ROS1: variants seen among roughly 807,000 people sequenced by gnomAD.
ROS1 encodes ROS proto-oncogene 1, receptor tyrosine kinase, also known as proto-oncogene tyrosine-protein kinase ROS.
ROS1 carries 263 observed loss-of-function variants against 273.5 expected under a neutral mutation model. That is an observed-to-expected ratio of 0.96 (90% CI 0.87 to 1.06). The LOEUF is 1.06. Ranked by LOEUF, ROS1 falls within the 50% of genes least tolerant of loss-of-function variation. The pLI is 0.00. For missense variants in ROS1, 2,833 were observed against 2,751.1 expected (o/e 1.03, Z -0.67); for synonymous variants, 1,008 against 954.1 (o/e 1.06, Z -1.04).
chr6:117,395,530 T>C (rs1337383571), intron 9 of ROS1, among the ~76,000 whole-genome samples: 1 of 152,148 alleles, frequency 6.6e-6, no homozygotes, highest in African/African-American at 2.4e-5. Context: ...GCTCCCAGAA[T>C]TGTGAATCTT....
intron 5 of ROS1, among the ~76,000 whole-genome samples, chr6:117,407,424 C>T (rs185260460): frequency 6.6e-6 from 1 of 152,202 alleles, no homozygotes; most frequent in African/African-American, 2.4e-5. Flanking sequence ...CCAACCTATG[C>T]TGAAATCAGG....
rs185478515 is a variant in ROS1, at chr6:117,334,777, C to T, written c.5230+2395G>A. On this transcript the variant is annotated intron_variant, in intron 32 of 43. Coordinates refer to ENST00000368507, the MANE Select transcript of ROS1 (RefSeq NM_001378902.1). ...TATTTAGTAAATGGTGCTGGGAAAA[C>T]TGGCTAGCCATATGCAGAAAACTGA... Among the ~76,000 whole-genome samples, 151 of 152,290 alleles carry T rather than the reference C, an allele frequency of 9.9e-4. 1 individual carries two copies. Among genetic ancestry groups the T allele is most frequent in the African/African-American group, 3.3e-3 (138 of 41,578 alleles).
chr6:117,385,622 C>A (rs2128696211), intron 16 of ROS1, 61 bp downstream of exon 16: 1 of 1,425,352 alleles, frequency 7.0e-7, no homozygotes, highest in Non-Finnish European at 9.6e-7. Flanking sequence ...AATTGGTGTG[C>A]AAGTCACTGA....
intron 1 of ROS1, among the ~76,000 whole-genome samples, chr6:117,421,242 T>A (rs1775733227): frequency 6.7e-6 from 1 of 148,492 alleles, no homozygotes; most frequent in Non-Finnish European, 1.5e-5. Flanking sequence ...TATTGCAATA[T>A]ATATATATAT....
Position 117,386,944 on chromosome 6 carries a change from T to C in ROS1, c.2055A>G (p.Pro685=). 1 of 1,613,360 alleles carries C rather than the reference T, an allele frequency of 6.2e-7. No individual in the cohort carries two copies. Among genetic ancestry groups the C allele is most frequent in the South Asian group, 1.1e-5 (1 of 91,030 alleles). The change falls in exon 15 of 44, where the codon CCA becomes CCG. Residue 685 remains proline, a synonymous_variant. Coordinates refer to ENST00000368507, the MANE Select transcript of ROS1 (RefSeq NM_001378902.1). ...AVKEDGLWSK[P]LNSFGPGEFL... is the part of the protein sequence containing the mutation. ...ACTCTCCTGGGCCAAAGCTATTTAATGGTTTACTCCAAAGCCCATCTTCTT... is the reference window on the plus strand; with the variant it reads ...ACTCTCCTGGGCCAAAGCTATTTAACGGTTTACTCCAAAGCCCATCTTCTT...
Position 117,403,150 on chromosome 6 carries a change from T to C in ROS1, c.593A>G (p.His198Arg). ...YSPPSPSYRTHPHGVPETAPL... is the reference protein window; with the variant it reads ...YSPPSPSYRTRPHGVPETAPL... ...TGTGCACACCATACCTCCATGAGGA[T>C]GAGTCCTGTAACTGGGACTTGGAGG... The change falls in exon 7 of 44, where the codon CAT (histidine) becomes CGT (arginine). Residue 198 changes from histidine (H) to arginine (R), a missense_variant. Coordinates refer to ENST00000368507, the MANE Select transcript of ROS1 (RefSeq NM_001378902.1). 2 of 1,613,950 alleles carry C rather than the reference T, an allele frequency of 1.2e-6. No individual in the cohort carries two copies. The highest frequency in any genetic ancestry group is 1.7e-6 in the Non-Finnish European group (2 of 1,179,940).
At chr6:117,360,244 A>T in intron 23 of ROS1, 98 bp downstream of exon 23, 1 of 929,122 alleles carries the variant, frequency 1.1e-6, no homozygotes, top group South Asian at 1.6e-5. Context: ...GCAAAGAGAC[A>T]GTGTTCATAT....
At chr6:117,409,773 T>C in intron 4 of ROS1, 131 bp from the exon 5 acceptor site, 1 of 707,722 alleles carries the variant, frequency 1.4e-6, no homozygotes, top group East Asian at 2.7e-5. Flanking sequence ...AGTAAATCTT[T>C]GAAATCGGAG....
Position 117,342,511 on chromosome 6 carries a change from A to C in ROS1, c.4540T>G (p.Leu1514Val). The C allele has an allele frequency of 6.3e-7, 1 of 1,596,804 alleles. No individual in the cohort carries two copies. ...ATCATGTATGTTGAAAATGGTTGTA[A>C]ATCTTCAATAAGAGCTATACTGTCC... ...FQDSIALIED[L>V]QPFSTYMIQI... is the part of the protein sequence containing the mutation. The change falls in exon 29 of 44, where the codon TTA becomes GTA. Residue 1514 changes from leucine to valine, a missense_variant. Leu to Val is a conservative substitution (Grantham distance 32). Coordinates refer to ENST00000368507, the MANE Select transcript of ROS1 (RefSeq NM_001378902.1).
chr6:117,349,186 A>G (rs977698900), intron 27 of ROS1, among the ~76,000 whole-genome samples: 4 of 151,894 alleles, frequency 2.6e-5, no homozygotes, highest in Non-Finnish European at 4.4e-5. Flanking sequence ...TGAAGTCTTC[A>G]ATGGTGATAG....
chr6:117,421,220 T>TTATATATATTATATTGGAA (rs1775729885), intron 1 of ROS1, among the ~76,000 whole-genome samples: 3 of 147,318 alleles, frequency 2.0e-5, no homozygotes, highest in Non-Finnish European at 4.5e-5. Flanking sequence ...TATATTGGAA[T>TTATATATATTATATTGGAA]TATATATATT....
Position 117,394,616 on chromosome 6 carries a change from C to T in ROS1, c.1006G>A (p.Gly336Arg). The change falls in exon 10 of 44, where the codon GGA (glycine) becomes AGA (arginine). Residue 336 changes from glycine to arginine, a missense_variant and splice_region_variant. By Grantham distance (125) the Gly-to-Arg change is moderately radical. Coordinates refer to ENST00000368507, the MANE Select transcript of ROS1 (RefSeq NM_001378902.1). ...RLDAIYHNIT[G>R]ISVDVHQQIV... ...AATCATTTATCCTTATCATACTGACCTGTAATATTATGGTATATAGCATCC... is the reference window on the plus strand; with the variant it reads ...AATCATTTATCCTTATCATACTGACTTGTAATATTATGGTATATAGCATCC... 6.3e-7 allele frequency: 1 copy of T among 1,596,684 alleles called. No homozygotes were observed. Among genetic ancestry groups the T allele is most frequent in the South Asian group, 1.1e-5 (1 of 87,510 alleles).
At chr6:117,358,147 C>CCATT in intron 24 of ROS1, 138 bp from the exon 25 acceptor site, 1 of 609,172 alleles carries the variant, frequency 1.6e-6, no homozygotes, top group Admixed American at 3.0e-5. Flanking sequence ...GGACGGTATA[C>CCATT]CATTGTAACA....
At chr6:117,332,025 A>G (rs1265746760) in intron 32 of ROS1, among the ~76,000 whole-genome samples, 7 of 152,226 alleles carry the variant, frequency 4.6e-5, no homozygotes, top group African/African-American at 4.8e-5. Context: ...AAATGCCCCA[A>G]TTAAAAGATA....
At chr6:117,411,304 A>G (rs1334854516) in intron 4 of ROS1, among the ~76,000 whole-genome samples, 5 of 92,840 alleles carry the variant, frequency 5.4e-5, no homozygotes, top group Non-Finnish European at 8.4e-5. Context: ...ACCTCCCTTC[A>G]CCCCGCCCTG....
intron 32 of ROS1, among the ~76,000 whole-genome samples, chr6:117,333,622 T>C (rs1347096250): frequency 1.3e-5 from 2 of 152,048 alleles, no homozygotes; most frequent in African/African-American, 4.8e-5. Flanking sequence ...CAGCAGCACA[T>C]CAAAAAACAT....
intron 42 of ROS1, among the ~76,000 whole-genome samples, chr6:117,305,602 G>T (rs1336976220): frequency 2.0e-5 from 3 of 152,002 alleles, no homozygotes; most frequent in Admixed American, 2.0e-4. Flanking sequence ...TGAGGACTAA[G>T]AAAAGAGGAG....
At chr6:117,362,139 T>C (rs1779853162) in intron 22 of ROS1, among the ~76,000 whole-genome samples, 1 of 152,104 alleles carries the variant, frequency 6.6e-6, no homozygotes, top group African/African-American at 2.4e-5. Flanking sequence ...AAGAATGACT[T>C]ACTCTGAATT....
At position 117,366,160 on chromosome 6, in the gene ROS1, C is replaced by A. The variant is rs1316079381; in HGVS notation, c.2713G>T (p.Gly905Cys). ...AAAACAGAGACACTGGTTTTCTGAC[C>A]TATTTCTTGAGTTGTGATAATCCTA... ...GFRIITTQEIGQKTSVSVLEP... is the reference protein window; with the variant it reads ...GFRIITTQEICQKTSVSVLEP... The change falls in exon 19 of 44, where the codon GGT becomes TGT. Residue 905 changes from glycine to cysteine, a missense_variant. Coordinates refer to ENST00000368507, the MANE Select transcript of ROS1 (RefSeq NM_001378902.1). The A allele has an allele frequency of 3.7e-6, 6 of 1,613,918 alleles. No homozygotes were observed. In the African/African-American group the frequency reaches 8.0e-5, roughly 22 times the overall value.
Sources: gnomAD v4.1 joint callset for allele counts (sites outside exome capture counted in the v4.1 genomes callset) on GRCh38, gnomAD v4.1.1 for gene constraint, MANE v1.5 for transcripts, NCBI Gene and HGNC (gene_info 2026-07-23, HGNC 2026-07-21) for gene names.